Variants in DARS1 observed in about 807,000 individuals in gnomAD.
The protein encoded by DARS1 is aspartate--tRNA ligase, cytoplasmic.
DARS1 carries 51 observed loss-of-function variants against 68.8 expected under a neutral mutation model. The observed-to-expected ratio is 0.74, with a 90% confidence interval of 0.59 to 0.94. DARS1 has a LOEUF of 0.94. Ranked by LOEUF, DARS1 falls within the 40% of genes least tolerant of loss-of-function variation. DARS1 has a pLI of 0.00. For missense variants in DARS1, 607 were observed against 597.3 expected, an observed-to-expected ratio of 1.02 and a Z score of -0.17; for synonymous variants, 203 against 190.4, an observed-to-expected ratio of 1.07 and a Z score of -0.55.
At chr2:135,908,323 ATT>A (rs988936887) in intron 15 of DARS1, among the ~76,000 whole-genome samples, 2 of 152,200 alleles carry the variant, frequency 1.3e-5, no homozygotes, top group East Asian at 3.8e-4. Flanking sequence ...CATCTGAACC[ATT>A]TTTAAGTGTC....
At chr2:135,934,293 G>A (rs1681417832) in intron 5 of DARS1, among the ~76,000 whole-genome samples, 1 of 152,174 alleles carries the variant, frequency 6.6e-6, no homozygotes, top group Non-Finnish European at 1.5e-5. Context: ...TGACTGGGGT[G>A]TAGGCACTGG....
chr2:135,955,673 CTTTTTTTTTTTTTTTTTT>C (rs75123258), intron 4 of DARS1, among the ~76,000 whole-genome samples: 10 of 61,336 alleles, frequency 1.6e-4, no homozygotes, highest in Admixed American at 2.1e-4. Flanking sequence ...AAATAAAAAT[CTTTTTTTTTTTTTTTTTT>C]TTTTTTTTTT....
At chr2:135,947,769 T>C (rs962422647) in intron 4 of DARS1, among the ~76,000 whole-genome samples, 5 of 151,598 alleles carry the variant, frequency 3.3e-5, no homozygotes, top group Non-Finnish European at 5.9e-5. Flanking sequence ...TATGAAATAA[T>C]ACATTTTCAT....
At chr2:135,932,990 A>AC (rs1326190545) in intron 6 of DARS1, 148 bp from the exon 7 acceptor site, 19 of 542,204 alleles carry the variant, frequency 3.5e-5, no homozygotes, top group Non-Finnish European at 1.9e-5. Flanking sequence ...AATGGTAGAA[A>AC]CACAAAGTGC....
intron 3 of DARS1, among the ~76,000 whole-genome samples, chr2:135,975,347 AAAAC>A (rs1040540654): frequency 5.9e-5 from 9 of 152,212 alleles, no homozygotes; most frequent in Non-Finnish European, 2.9e-5. Flanking sequence ...TCTGTCTCAA[AAAAC>A]AAACAAACAA....
chr2:135,912,716 A>G (rs1393812454), intron 12 of DARS1, 150 bp from the exon 13 acceptor site: 1 of 436,414 alleles, frequency 2.3e-6, no homozygotes, highest in African/African-American at 2.1e-5. Context: ...TTTCAGTAAC[A>G]TTTTTATCCT....
intron 3 of DARS1, among the ~76,000 whole-genome samples, chr2:135,962,245 C>A (rs1423759528): frequency 6.6e-6 from 1 of 152,104 alleles, no homozygotes; most frequent in Non-Finnish European, 1.5e-5. Context: ...TTATTCTTAA[C>A]CTTCTGAAAA....
chr2:135,966,705 T>C (rs1284439133), intron 3 of DARS1, among the ~76,000 whole-genome samples: 2 of 152,146 alleles, frequency 1.3e-5, no homozygotes, highest in Non-Finnish European at 2.9e-5. Context: ...CTAATTTTTG[T>C]ATTTTTTTAG....
Position 135,906,871 on chromosome 2 carries a change from G to A in DARS1, c.*445C>T, listed in dbSNP as rs542577380. 1 of 152,682 alleles carries A rather than the reference G, an allele frequency of 6.5e-6. No homozygotes were observed. The highest frequency in any genetic ancestry group is 2.4e-5 in the African/African-American group (1 of 41,406). The allele number at this position is 152,682 out of a possible 1,614,324, so 9.5% of individuals were successfully genotyped here. A position where few individuals can be genotyped will look rare whatever the true frequency, so the allele number is the denominator to read the frequency against. Reference sequence around the variant, plus strand: ...TTCATTAAAATTTCAGATGCTACCTGAATTATTCTTATCTCAATGACAGAA... The same window carrying A: ...TTCATTAAAATTTCAGATGCTACCTAAATTATTCTTATCTCAATGACAGAA... On this transcript the variant is annotated 3_prime_UTR_variant, in exon 16 of 16. Coordinates refer to ENST00000264161, the MANE Select transcript of DARS1 (RefSeq NM_001349.4).
In DARS1 at chr2:135,985,479, A is replaced by G. The variant is rs771294260; in HGVS notation, c.-11T>C. On this transcript the variant is annotated 5_prime_UTR_variant, in exon 1 of 16. Coordinates refer to ENST00000264161, the MANE Select transcript of DARS1 (RefSeq NM_001349.4). ...GCTGGCGCTGGGCATCGGGACACGG[A>G]ACTGGGCAGTGGACACCACCCTCCC... is the stretch of plus-strand genomic sequence containing the variant. 4 of 1,613,796 alleles carry G rather than the reference A, an allele frequency of 2.5e-6. No homozygotes were observed. The highest frequency in any genetic ancestry group is 3.4e-6 in the Non-Finnish European group (4 of 1,179,936).
At chr2:135,967,512 A>T (rs1203374174) in intron 3 of DARS1, among the ~76,000 whole-genome samples, 1 of 152,208 alleles carries the variant, frequency 6.6e-6, no homozygotes, top group Non-Finnish European at 1.5e-5. Flanking sequence ...CATATCATTA[A>T]GGTAAGAAAT....
intron 3 of DARS1, among the ~76,000 whole-genome samples, chr2:135,972,764 G>T (rs1454986409): frequency 6.6e-6 from 1 of 152,092 alleles, no homozygotes; most frequent in Non-Finnish European, 1.5e-5. Context: ...ATGGGCAAAA[G>T]ATTTAAATAG....
At chr2:135,985,027 G>A (rs1682739689) in intron 1 of DARS1, 1 of 265,694 alleles carries the variant, frequency 3.8e-6, no homozygotes, top group Non-Finnish European at 7.3e-6. Context: ...CGAGGGCTGA[G>A]TACATATCGA....
intron 9 of DARS1, among the ~76,000 whole-genome samples, chr2:135,922,352 T>C (rs879282561): frequency 9.2e-5 from 14 of 152,182 alleles, no homozygotes; most frequent in Non-Finnish European, 1.8e-4. Context: ...TCAGTGCTGA[T>C]AGGGAGCTGA....
Position 135,912,375 on chromosome 2 carries a change from T to C in DARS1, c.1230+111A>G, listed in dbSNP as rs146858904. On this transcript the variant is annotated intron_variant, in intron 13 of 15. Coordinates refer to ENST00000264161, the MANE Select transcript of DARS1 (RefSeq NM_001349.4). ...ACATCAATGGTAATACGTATGTCTA[T>C]CAAAACTGCAAATTATTAATGAAAA... 2.1e-3 allele frequency: 1,092 copies of C among 523,212 alleles called. 12 individuals are homozygous for C. The highest frequency in any genetic ancestry group is 0.02 in the Admixed American group (636 of 31,310). The allele number at this position is 523,212 out of a possible 1,614,324, so 32.4% of individuals were successfully genotyped here. A position where few individuals can be genotyped will look rare whatever the true frequency, so the allele number is the denominator to read the frequency against.
chr2:135,978,327 C>T (rs1488074642), intron 3 of DARS1, among the ~76,000 whole-genome samples: 1 of 151,962 alleles, frequency 6.6e-6, no homozygotes, highest in Non-Finnish European at 1.5e-5. Context: ...ATATTAAATA[C>T]TACAGAAGCA....
rs535330318 is a variant in DARS1 at position 135,936,910 on chromosome 2, T to C, written c.424-2920A>G. 1.1e-3 allele frequency among the ~76,000 whole-genome samples: 161 copies of C among 152,288 alleles called. 1 individual carries two copies. Among genetic ancestry groups the C allele is most frequent in the African/African-American group, 3.8e-3 (156 of 41,546 alleles). ...CCTGTTGGTCTGCCTGACTCTTACA[T>C]ATGGTCATGCATGTGCACACGGATC... On this transcript the variant is annotated intron_variant, in intron 5 of 15. Coordinates refer to ENST00000264161, the MANE Select transcript of DARS1 (RefSeq NM_001349.4).
chr2:135,984,111 A>T (rs774999363), intron 1 of DARS1, among the ~76,000 whole-genome samples: 9 of 152,186 alleles, frequency 5.9e-5, no homozygotes, highest in Non-Finnish European at 1.0e-4. Flanking sequence ...GAAACAGAAG[A>T]CCTAGGGTCC....
chr2:135,920,088 C>A (rs537950470), intron 10 of DARS1, among the ~76,000 whole-genome samples: 4 of 152,200 alleles, frequency 2.6e-5, no homozygotes, highest in Non-Finnish European at 4.4e-5. Flanking sequence ...ACCTCTTACA[C>A]ACTACCCTCA....
Sources: gnomAD v4.1 joint callset for allele counts (sites outside exome capture counted in the v4.1 genomes callset) on GRCh38, gnomAD v4.1.1 for gene constraint, MANE v1.5 for transcripts, NCBI Gene and HGNC (gene_info 2026-07-23, HGNC 2026-07-21) for gene names.